The following ASXL1 variants were observed in gnomAD, a reference collection of about 807,000 sequenced individuals.
ASXL1 encodes the protein polycomb group protein ASXL1.
In ASXL1, 65 loss-of-function variants were observed where a neutral mutation model predicts 89.1. That is an observed-to-expected ratio of 0.73 (90% CI 0.60 to 0.90). The LOEUF (loss-of-function observed/expected upper bound fraction) is 0.90, where lower values mean the gene tolerates loss of function less well. ASXL1 is among the 40% of genes least tolerant of loss of function. ASXL1 has a pLI of 0.00. For synonymous variants in ASXL1, 739 were observed against 746.9 expected (o/e 0.99, Z 0.17); for missense variants, 1,786 against 1,942.9 (o/e 0.92, Z 1.52).
chr20:32,359,006 G>T, intron 1 of ASXL1, 174 bp downstream of exon 1: 1 of 706,966 alleles, frequency 1.4e-6, no homozygotes, highest in Non-Finnish European at 2.3e-6. Flanking sequence ...GCGCTCCGCC[G>T]GGATGGGATG....
chr20:32,400,403 C>G lies in ASXL1; in HGVS notation c.253-27725C>G, dbSNP rs6141705. 8.9e-4 allele frequency among the ~76,000 whole-genome samples: 136 copies of G among 152,258 alleles called. 3 individuals carry two copies. In the East Asian group the frequency reaches 0.026, roughly 29 times the overall value. On this transcript the variant is annotated intron_variant, in intron 4 of 12. Coordinates refer to ENST00000375687, the MANE Select transcript of ASXL1 (RefSeq NM_015338.6). ...TTGAAAACCGTTGATTCCTTTAGGT[C>G]TTGTTTGTAAGATTTGTTAGCTGGG...
intron 4 of ASXL1, among the ~76,000 whole-genome samples, chr20:32,381,269 A>C (rs1422497013): frequency 6.6e-6 from 1 of 152,210 alleles, no homozygotes; most frequent in Non-Finnish European, 1.5e-5. Flanking sequence ...CAGTGGTGCC[A>C]TCACGGCTCA....
intron 8 of ASXL1, chr20:32,431,087 G>A: frequency 3.0e-6 from 2 of 677,358 alleles, no homozygotes; most frequent in Non-Finnish European, 2.7e-6. Flanking sequence ...CTGTGACACA[G>A]CACGGTACAG....
chr20:32,415,560 C>T (rs1232132511), intron 4 of ASXL1, among the ~76,000 whole-genome samples: 2 of 152,152 alleles, frequency 1.3e-5, no homozygotes, highest in African/African-American at 4.8e-5. Flanking sequence ...CAGCCCCTGC[C>T]TCTCAACTCT....
intron 4 of ASXL1, among the ~76,000 whole-genome samples, chr20:32,382,505 T>G (rs1026876735): frequency 1.3e-5 from 2 of 150,864 alleles, no homozygotes; most frequent in Non-Finnish European, 2.9e-5. Flanking sequence ...GCACTGTGCC[T>G]CATACCTGTA....
At chr20:32,417,831 T>C (rs909234434) in intron 4 of ASXL1, among the ~76,000 whole-genome samples, 2 of 152,050 alleles carry the variant, frequency 1.3e-5, no homozygotes, top group East Asian at 1.9e-4. Context: ...TTGCTTGCGC[T>C]CAGGAGTTCA....
At chr20:32,377,668 T>C (rs1389110323) in intron 4 of ASXL1, among the ~76,000 whole-genome samples, 2 of 152,128 alleles carry the variant, frequency 1.3e-5, no homozygotes, top group Non-Finnish European at 2.9e-5. Context: ...TTCTTTTTTT[T>C]TTGAGACGGA....
chr20:32,378,130 C>T (rs1391165659), intron 4 of ASXL1, among the ~76,000 whole-genome samples: 1 of 142,338 alleles, frequency 7.0e-6, no homozygotes, highest in African/African-American at 2.7e-5. Flanking sequence ...GTTGGGACTA[C>T]AGGTGCGTGC....
At chr20:32,387,957 T>A (rs2048607780) in intron 4 of ASXL1, among the ~76,000 whole-genome samples, 1 of 151,912 alleles carries the variant, frequency 6.6e-6, no homozygotes, top group African/African-American at 2.4e-5. Flanking sequence ...AACCTGGGAG[T>A]CATCAATTTT....
chr20:32,406,875 A>G (rs916360332), intron 4 of ASXL1, among the ~76,000 whole-genome samples: 6 of 151,764 alleles, frequency 4.0e-5, no homozygotes, highest in African/African-American at 1.2e-4. Flanking sequence ...TCTGTGCTCC[A>G]CTCAGGCTCT....
chr20:32,431,478 C>T lies in ASXL1; in HGVS notation c.876C>T (p.Asp292=), dbSNP rs773353918. The change falls in exon 9 of 13, where the codon GAC becomes GAT. Residue 292 remains aspartate, a synonymous_variant. Coordinates refer to ENST00000375687, the MANE Select transcript of ASXL1 (RefSeq NM_015338.6). ...QQLLFLLPEV[D]RQVGTDGLLR... is the part of the protein sequence containing the mutation. ...TCCTCTTCCTCCTGCCTGAAGTAGA[C>T]AGACAGGTGCACATGGGCAGCCTCC... The T allele has an allele frequency of 1.4e-5, 22 of 1,614,054 alleles. No homozygotes were observed. Among genetic ancestry groups the T allele is most frequent in the East Asian group, 6.7e-5 (3 of 44,898 alleles).
chr20:32,362,893 G>A (rs892160016), intron 1 of ASXL1, among the ~76,000 whole-genome samples: 1 of 152,094 alleles, frequency 6.6e-6, no homozygotes, highest in Non-Finnish European at 1.5e-5. Context: ...ATAGCCAAGG[G>A]GATTTCCCTT....
rs913593285 is a variant in ASXL1 at position 32,422,122 on chromosome 20, G to A, written c.253-6006G>A. ...TCTCGATCTCCTGACCTCGTGATCC[G>A]CCTGCCTTGGCCTTCCAAAGTGCTG... On this transcript the variant is annotated intron_variant, in intron 4 of 12. Coordinates refer to ENST00000375687, the MANE Select transcript of ASXL1 (RefSeq NM_015338.6). Among the ~76,000 whole-genome samples, 18 of 148,506 alleles carry A rather than the reference G, an allele frequency of 1.2e-4. No individual in the cohort carries two copies. The East Asian group carries it at 3.0e-3, about 25-fold the overall frequency.
chr20:32,362,687 G>A (rs904694379), intron 1 of ASXL1, among the ~76,000 whole-genome samples: 1 of 152,184 alleles, frequency 6.6e-6, no homozygotes, highest in African/African-American at 2.4e-5. Flanking sequence ...TTTCGTAGAG[G>A]AAAGAAGATT....
At chr20:32,413,221 T>C (rs755740282) in intron 4 of ASXL1, among the ~76,000 whole-genome samples, 1 of 152,170 alleles carries the variant, frequency 6.6e-6, no homozygotes, top group South Asian at 2.1e-4. Context: ...AACAGATGTG[T>C]ATATTATCAT....
chr20:32,428,206 T>G lies in ASXL1; in HGVS notation c.331T>G (p.Cys111Gly). Residue 111 changes from cysteine (C) to glycine (G), a missense_variant, in exon 5 of 13, where the codon TGT (cysteine) becomes GGT (glycine). Physicochemically the swap from Cys to Gly is radical, Grantham distance 159 (BLOSUM62 -3). Around this residue, in one of 3 missense-constraint regions of ASXL1, gnomAD observed 332 missense variants for 449.7 expected, o/e 0.74. Transcript: ENST00000375687. ...AGAGGACACGGCTGATGTGGAGAGC[T>G]GTGGGTCTAATGAAGCCAGCACTGT... Reference protein sequence around the residue: ...EPEDTADVESCGSNEASTVSG... With the variant: ...EPEDTADVESGGSNEASTVSG... The G allele has an allele frequency of 6.2e-7, 1 of 1,614,168 alleles. No individual in the cohort carries two copies. The highest frequency in any genetic ancestry group is 8.5e-7 in the Non-Finnish European group (1 of 1,180,014).
intron 4 of ASXL1, among the ~76,000 whole-genome samples, chr20:32,425,806 G>A (rs1479360716): frequency 6.6e-6 from 1 of 152,106 alleles, no homozygotes. Flanking sequence ...CTTCGTTCAA[G>A]TGATTCTCCT....
chr20:32,418,194 T>A (rs1232719081), intron 4 of ASXL1, among the ~76,000 whole-genome samples: 3 of 151,246 alleles, frequency 2.0e-5, no homozygotes, highest in East Asian at 1.9e-4. Context: ...ATAATAATAA[T>A]AAATAAATAC....
In ASXL1 at chr20:32,433,547, A is replaced by G. The variant is rs1569324767; in HGVS notation, c.1349A>G (p.Lys450Arg). Residue 450 changes from lysine to arginine, a missense_variant, in exon 12 of 13, where the codon AAG becomes AGG. Physicochemically the swap from Lys to Arg is conservative, Grantham distance 26 (BLOSUM62 2). This residue lies in a region of ASXL1 where 1,418 missense variants were observed against 1,427.8 expected (regional missense o/e 0.99). Coordinates refer to ENST00000375687, the MANE Select transcript of ASXL1 (RefSeq NM_015338.6). ...KSVASDVPLY[K>R]DGEAKTDPAG... Reference sequence around the variant, plus strand: ...GTGGCCTCAGATGTTCCCCTCTACAAGGATGGGGAGGCTAAGACTGACCCA... The same window carrying G: ...GTGGCCTCAGATGTTCCCCTCTACAGGGATGGGGAGGCTAAGACTGACCCA... 6.2e-7 allele frequency: 1 copy of G among 1,614,170 alleles called. No homozygotes were observed. The highest frequency in any genetic ancestry group is 1.1e-5 in the South Asian group (1 of 91,084).
Sources: gnomAD v4.1 joint callset for allele counts (sites outside exome capture counted in the v4.1 genomes callset) on GRCh38, gnomAD v4.1.1 for gene constraint, gnomAD v4.1.1 regional missense constraint, MANE v1.5 for transcripts, NCBI Gene and HGNC (gene_info 2026-07-23, HGNC 2026-07-21) for gene names.